The following COL23A1 variants were observed in gnomAD, a reference collection of about 807,000 sequenced individuals.
The protein encoded by COL23A1 is collagen type XXIII alpha 1 chain.
A neutral mutation model predicts 99.3 loss-of-function variants in COL23A1; 97 were observed. The observed-to-expected ratio is 0.98, with a 90% CI of 0.83 to 1.16. The LOEUF is 1.16. COL23A1 is among the 50% of genes most tolerant of loss of function. The probability of loss-of-function intolerance (pLI) is 0.00; values close to 1 mark genes in which losing one functional copy is unlikely to be tolerated. For synonymous variants in COL23A1, 320 were observed against 308.2 expected (o/e 1.04, Z -0.40); for missense variants, 762 against 757.4 (o/e 1.01, Z -0.07).
At chr5:178,475,108 T>C (rs945219132) in intron 2 of COL23A1, among the ~76,000 whole-genome samples, 2 of 152,212 alleles carry the variant, frequency 1.3e-5, no homozygotes, top group Non-Finnish European at 2.9e-5. Flanking sequence ...TTGTGTTAAA[T>C]GGACAGCAAT....
intron 3 of COL23A1, among the ~76,000 whole-genome samples, chr5:178,292,559 A>AGAGG (rs1484875959): frequency 1.3e-5 from 2 of 152,202 alleles, no homozygotes; most frequent in African/African-American, 2.4e-5. Flanking sequence ...TTGAGCAGAG[A>AGAGG]GAGGGTGAGA....
Position 178,564,725 on chromosome 5 carries a change from T to G in COL23A1, c.295-3977A>C, listed in dbSNP as rs999584606. On this transcript the variant is annotated intron_variant, in intron 1 of 28. Transcript: ENST00000390654. ...GGTTTTTAGAAAAGCATTCATGACA[T>G]GGTCAGAGGATACGTTTATTAACGA... is the stretch of plus-strand genomic sequence containing the variant. Among the ~76,000 whole-genome samples the G allele has an allele frequency of 2.9e-4, 44 of 152,154 alleles. 2 individuals carry two copies. Among genetic ancestry groups the G allele is most frequent in the Non-Finnish European group, 1.5e-5 (1 of 68,030 alleles).
intron 2 of COL23A1, among the ~76,000 whole-genome samples, chr5:178,499,405 C>T (rs1180677108): frequency 6.6e-6 from 1 of 152,202 alleles, no homozygotes; most frequent in Non-Finnish European, 1.5e-5. Flanking sequence ...GCTGATCTTA[C>T]GTGCCTTGAT....
rs1226948466 is a variant in COL23A1 at position 178,313,292 on chromosome 5, T to C, written c.362-6373A>G. On this transcript the variant is annotated intron_variant, in intron 2 of 28. Transcript: ENST00000390654. The surrounding 1 kb of genome is among the most constrained non-coding windows in gnomAD (Gnocchi z 4.2). ...GGTGGTGGTGACGGGTGCGTGACAA[T>C]GTGAACATACTGAATGCCACTCAAG... 6.6e-6 allele frequency among the ~76,000 whole-genome samples: 1 copy of C among 152,144 alleles called. No individual in the cohort carries two copies. Among genetic ancestry groups the C allele is most frequent in the African/African-American group, 2.4e-5 (1 of 41,442 alleles).
chr5:178,443,301 C>T (rs1679512668), intron 2 of COL23A1, among the ~76,000 whole-genome samples: 1 of 152,226 alleles, frequency 6.6e-6, no homozygotes, highest in South Asian at 2.1e-4. Context: ...ATCCGAACGA[C>T]TTCTACTCTG....
chr5:178,396,827 C>T (rs62389399), intron 2 of COL23A1, among the ~76,000 whole-genome samples: 7,518 of 147,888 alleles, frequency 0.051, 67 homozygotes, highest in East Asian at 0.31. Context: ...GTTCCGGCCC[C>T]GGCTGTCCTC....
chr5:178,526,607 T>A (rs1760322988), intron 2 of COL23A1, among the ~76,000 whole-genome samples: 1 of 152,152 alleles, frequency 6.6e-6, no homozygotes. Flanking sequence ...TTCTGTCATC[T>A]GCAATAAAAA....
At chr5:178,261,669 G>A in intron 11 of COL23A1, 53 bp downstream of exon 11, 1 of 1,315,510 alleles carries the variant, frequency 7.6e-7, no homozygotes, top group Non-Finnish European at 1.1e-6. Flanking sequence ...TGGTGGTGGG[G>A]GAGTCCATCC....
intron 3 of COL23A1, among the ~76,000 whole-genome samples, chr5:178,294,097 T>A (rs1054243666): frequency 6.6e-6 from 1 of 151,998 alleles, no homozygotes; most frequent in African/African-American, 2.4e-5. Context: ...CACCCCAGTC[T>A]CCCATTCTGG....
intron 2 of COL23A1, among the ~76,000 whole-genome samples, chr5:178,504,769 G>C (rs1758772036): frequency 6.6e-6 from 1 of 152,326 alleles, no homozygotes; most frequent in South Asian, 2.1e-4. Flanking sequence ...TGGCAAACAA[G>C]GGGGTGGCCA....
rs1177182139 is a variant in COL23A1, at chr5:178,325,156, C to CCCAGGCT, written c.362-18244_362-18238dup. Among the ~76,000 whole-genome samples, 17 of 152,300 alleles carry CCCAGGCT rather than the reference C, an allele frequency of 1.1e-4. No individual in the cohort carries two copies. In the South Asian group the frequency reaches 3.5e-3, roughly 32 times the overall value. ...CCTCCAGGTCCAATACCAGCGTCTCCCCAGGCTCCAGGCTCCAGGGTCGCT... is the reference window on the plus strand; with the variant it reads ...CCTCCAGGTCCAATACCAGCGTCTCCCCAGGCTCCAGGCTCCAGGCTCCAGGGTCGCT... On this transcript the variant is annotated intron_variant, in intron 2 of 28. Transcript: ENST00000390654.
chr5:178,243,053 G>A (rs112035320), intron 25 of COL23A1, among the ~76,000 whole-genome samples: 1 of 152,144 alleles, frequency 6.6e-6, no homozygotes, highest in African/African-American at 2.4e-5. Context: ...AGCCGAGTAT[G>A]GTGATGCGCG....
intron 2 of COL23A1, among the ~76,000 whole-genome samples, chr5:178,397,566 G>A (rs950236059): frequency 1.3e-5 from 2 of 152,248 alleles, no homozygotes; most frequent in Admixed American, 6.5e-5. Flanking sequence ...TCATGCCGCT[G>A]TCTTGGTTAG....
chr5:178,356,058 C>G (rs1440793728), intron 2 of COL23A1, among the ~76,000 whole-genome samples: 1 of 152,170 alleles, frequency 6.6e-6, no homozygotes, highest in East Asian at 1.9e-4. Flanking sequence ...AGGTGCTGAG[C>G]ACGCTGCAGC....
At chr5:178,286,808 T>TG (rs1026582435) in intron 5 of COL23A1, among the ~76,000 whole-genome samples, 9 of 152,070 alleles carry the variant, frequency 5.9e-5, no homozygotes, top group African/African-American at 2.2e-4. Context: ...GGCAGCATCC[T>TG]CTCCGATGCT....
intron 2 of COL23A1, among the ~76,000 whole-genome samples, chr5:178,405,298 T>C (rs1481375144): frequency 1.3e-5 from 2 of 152,292 alleles, no homozygotes; most frequent in African/African-American, 2.4e-5. Flanking sequence ...CTAGTTTAAG[T>C]TGTTACATGT....
rs537826485 is a variant in COL23A1, at chr5:178,361,861, C to T, written c.362-54942G>A. Among the ~76,000 whole-genome samples the T allele has an allele frequency of 1.1e-3, 173 of 152,262 alleles. 2 individuals carry two copies. Among genetic ancestry groups the T allele is most frequent in the African/African-American group, 4.0e-3 (168 of 41,556 alleles). On this transcript the variant is annotated intron_variant, in intron 2 of 28. Transcript: ENST00000390654. Reference sequence around the variant, plus strand: ...AGGTCCAGCAAGACCAGTCAGCAGGCGGGCAGGCTCCACATCCTGACATTC... The same window carrying T: ...AGGTCCAGCAAGACCAGTCAGCAGGTGGGCAGGCTCCACATCCTGACATTC...
intron 2 of COL23A1, among the ~76,000 whole-genome samples, chr5:178,462,985 C>G (rs1001784226): frequency 6.6e-6 from 1 of 152,240 alleles, no homozygotes; most frequent in African/African-American, 2.4e-5. Context: ...GCAGAACCAG[C>G]TGAAGGCTGG....
intron 3 of COL23A1, among the ~76,000 whole-genome samples, chr5:178,297,256 C>CA (rs1757795468): frequency 6.6e-6 from 1 of 152,248 alleles, no homozygotes; most frequent in Non-Finnish European, 1.5e-5. Flanking sequence ...CATGGTGGCT[C>CA]AGGCCTGTAA....
Sources: gnomAD v4.1 joint callset for allele counts (sites outside exome capture counted in the v4.1 genomes callset) on GRCh38, gnomAD v4.1.1 for gene constraint, Gnocchi (gnomAD v3.1) non-coding constraint, MANE v1.5 for transcripts, NCBI Gene and HGNC (gene_info 2026-07-23, HGNC 2026-07-21) for gene names.